ANKFN1: variants seen among roughly 807,000 people sequenced by gnomAD.
The protein encoded by ANKFN1 is ankyrin repeat and fibronectin type III domain containing 1.
A neutral mutation model predicts 108.7 loss-of-function variants in ANKFN1; 74 were observed. The ratio of observed to expected loss-of-function variants is 0.68; its 90% CI spans 0.56 to 0.83. The LOEUF (loss-of-function observed/expected upper bound fraction) is 0.83, where lower values mean the gene tolerates loss of function less well. Among genes scored for constraint, ANKFN1 ranks in the 40% least tolerant of loss-of-function variants. The pLI is 0.00. For missense variants in ANKFN1, 1,505 were observed against 1,382.3 expected, an observed-to-expected ratio of 1.09 and a Z score of -1.41; for synonymous variants, 547 against 516.2, an observed-to-expected ratio of 1.06 and a Z score of -0.81.
intron 6 of ANKFN1, among the ~76,000 whole-genome samples, chr17:56,359,938 G>A (rs967398610): frequency 1.3e-5 from 2 of 152,090 alleles, no homozygotes; most frequent in Non-Finnish European, 2.9e-5. Context: ...AATCTGACTC[G>A]TTGCTGAGAG....
intron 3 of ANKFN1, among the ~76,000 whole-genome samples, chr17:56,318,372 A>C (rs568829723): frequency 6.6e-6 from 1 of 152,230 alleles, no homozygotes; most frequent in South Asian, 2.1e-4. Context: ...TTTTCCTTAA[A>C]CTGGGAAAAA....
At chr17:56,264,125 G>T (rs979785402) in intron 3 of ANKFN1, among the ~76,000 whole-genome samples, 3 of 152,190 alleles carry the variant, frequency 2.0e-5, no homozygotes, top group African/African-American at 7.2e-5. Context: ...GTGACAGAAA[G>T]ATGCCATGGA....
upstream of ANKFN1, among the ~76,000 whole-genome samples, chr17:56,152,208 A>G (rs1306092453): frequency 2.0e-5 from 3 of 151,718 alleles, no homozygotes; most frequent in Non-Finnish European, 4.4e-5. Context: ...AAGCCTTGGA[A>G]GATGAGTAAT....
chr17:56,295,273 G>C (rs763448007), intron 3 of ANKFN1, among the ~76,000 whole-genome samples: 2 of 152,232 alleles, frequency 1.3e-5, no homozygotes, highest in Non-Finnish European at 2.9e-5. Flanking sequence ...AAAAGGCAAT[G>C]CAGTATGAAT....
intron 7 of ANKFN1, among the ~76,000 whole-genome samples, chr17:56,373,284 A>G (rs1007911106): frequency 3.3e-5 from 5 of 152,226 alleles, no homozygotes; most frequent in Non-Finnish European, 5.9e-5. Flanking sequence ...TATAAACTGA[A>G]CTTCAGTTAA....
chr17:56,296,714 C>A (rs1187701300), intron 3 of ANKFN1, among the ~76,000 whole-genome samples: 5 of 151,980 alleles, frequency 3.3e-5, no homozygotes, highest in African/African-American at 1.2e-4. Flanking sequence ...ACAACAACAA[C>A]AACAACAAAA....
intron 6 of ANKFN1, among the ~76,000 whole-genome samples, chr17:56,363,006 C>T (rs1018764464): frequency 4.6e-5 from 7 of 151,944 alleles, no homozygotes; most frequent in South Asian, 2.1e-4. Flanking sequence ...GTCAGGAGAC[C>T]GAGACCATCC....
rs1241009015 is a variant in ANKFN1, at chr17:56,511,200, T to G, written c.3372T>G (p.Thr1124=). ...SGGRITLPSP[T]GPDVSQEGPT... ...GCCGCATCACCCTGCCCAGCCCCAC[T>G]GGCCCCGATGTGAGTCAGGAGGGCC... Residue 1124 remains threonine (T), a synonymous_variant, in exon 21 of 21, where the codon ACT becomes ACG. Coordinates refer to ENST00000682825, the MANE Select transcript of ANKFN1 (RefSeq NM_001370326.1). 1 of 1,535,516 alleles carries G rather than the reference T, an allele frequency of 6.5e-7. No individual in the cohort carries two copies.
At chr17:56,112,532 C>G (rs1488767633) in intron 4 of ANKFN1, among the ~76,000 whole-genome samples, 1 of 151,968 alleles carries the variant, frequency 6.6e-6, no homozygotes, top group Non-Finnish European at 1.5e-5. Flanking sequence ...CAAGCCAAAT[C>G]TATTCCCTTC....
chr17:56,164,419 T>A (rs1909962449), intron 1 of ANKFN1, among the ~76,000 whole-genome samples: 1 of 152,208 alleles, frequency 6.6e-6, no homozygotes, highest in Non-Finnish European at 1.5e-5. Flanking sequence ...ATTGTGAGTT[T>A]GTCTGTTTCT....
intron 2 of ANKFN1, among the ~76,000 whole-genome samples, chr17:56,217,381 C>T (rs1351000920): frequency 6.6e-6 from 1 of 152,182 alleles, no homozygotes; most frequent in Non-Finnish European, 1.5e-5. Context: ...CTTTTAGTGA[C>T]TCCAAAGTGT....
intron 4 of ANKFN1, among the ~76,000 whole-genome samples, chr17:56,335,937 T>C (rs2045795850): frequency 6.6e-6 from 1 of 152,240 alleles, no homozygotes; most frequent in Non-Finnish European, 1.5e-5. Context: ...TGCTGTTGAA[T>C]TTTGTCAAAG....
At chr17:56,182,791 T>C (rs1462311876) in intron 1 of ANKFN1, among the ~76,000 whole-genome samples, 1 of 152,186 alleles carries the variant, frequency 6.6e-6, no homozygotes, top group East Asian at 1.9e-4. Flanking sequence ...TAGAAGTCAA[T>C]GCCTGGCTTC....
intron 6 of ANKFN1, among the ~76,000 whole-genome samples, chr17:56,359,874 T>G (rs1171989315): frequency 6.6e-6 from 1 of 152,160 alleles, no homozygotes; most frequent in Non-Finnish European, 1.5e-5. Flanking sequence ...GCTCCAACAG[T>G]GCTGCCATTG....
intron 2 of ANKFN1, among the ~76,000 whole-genome samples, chr17:56,219,977 C>T (rs1269734027): frequency 3.9e-5 from 6 of 152,238 alleles, no homozygotes; most frequent in Non-Finnish European, 7.3e-5. Flanking sequence ...GTTCAAATCA[C>T]TTGCAGCATG....
chr17:56,202,734 C>T (rs1914165726), intron 1 of ANKFN1, among the ~76,000 whole-genome samples: 1 of 151,980 alleles, frequency 6.6e-6, no homozygotes, highest in South Asian at 2.1e-4. Context: ...TGTAGATTGT[C>T]CTTTATAATA....
chr17:56,452,256 A>G (rs1215393680), intron 11 of ANKFN1, among the ~76,000 whole-genome samples: 1 of 152,194 alleles, frequency 6.6e-6, no homozygotes, highest in Non-Finnish European at 1.5e-5. Flanking sequence ...GTAAACTCCT[A>G]TGCTCCTTAC....
Position 56,260,681 on chromosome 17 carries a change from C to CA in ANKFN1, c.53+32732dup, listed in dbSNP as rs144102690. Among the ~76,000 whole-genome samples the CA allele has an allele frequency of 3.3e-5, 5 of 151,608 alleles. No individual in the cohort carries two copies. In the East Asian group the frequency reaches 5.8e-4, roughly 18 times the overall value. ...GGGGTTTTGCCAAACCCATAATGTT[C>CA]AAAAAAAATAGTTTGAAACAATTGA... is the stretch of plus-strand genomic sequence containing the variant. On this transcript the variant is annotated intron_variant, in intron 3 of 20. Transcript: ENST00000682825.
chr17:56,495,725 A>G (rs534512359), intron 19 of ANKFN1, among the ~76,000 whole-genome samples: 1 of 152,326 alleles, frequency 6.6e-6, no homozygotes, highest in East Asian at 1.9e-4. Flanking sequence ...CAATTAGGCT[A>G]TAATTTATAT....
Sources: allele counts gnomAD v4.1 joint callset (sites outside exome capture counted in the v4.1 genomes callset), GRCh38; gene constraint gnomAD v4.1.1; transcripts MANE v1.5; gene names NCBI Gene and HGNC (gene_info 2026-07-23, HGNC 2026-07-21).